Variants in DLGAP1 observed in about 807,000 individuals in gnomAD.
DLGAP1 encodes DLG associated protein 1, also known as disks large-associated protein 1.
Under a neutral mutation model 90.8 loss-of-function variants are expected in DLGAP1, and 11 were observed. The observed-to-expected ratio is 0.12, with a 90% CI of 0.08 to 0.20. The LOEUF (loss-of-function observed/expected upper bound fraction) is 0.20, where lower values mean the gene tolerates loss of function less well. Among genes scored for constraint, DLGAP1 ranks in the 10% least tolerant of loss-of-function variants. The pLI, the probability that DLGAP1 is intolerant of heterozygous loss-of-function variation, is 1.00. For synonymous variants in DLGAP1, 558 were observed against 540.7 expected, an observed-to-expected ratio of 1.03 and a Z score of -0.44; for missense variants, 1,050 against 1,333.8, an observed-to-expected ratio of 0.79 and a Z score of 3.31.
intron 3 of DLGAP1, among the ~76,000 whole-genome samples, chr18:3,947,847 T>TC (rs34737121): frequency 0.21 from 32,517 of 152,144 alleles, 3,668 homozygotes; most frequent in Middle Eastern, 0.28. Flanking sequence ...ATCCAGGAGA[T>TC]CAGGGCCTCA....
intron 4 of DLGAP1, among the ~76,000 whole-genome samples, chr18:3,846,631 T>C (rs1469430439): frequency 6.6e-6 from 1 of 152,338 alleles, no homozygotes; most frequent in Admixed American, 6.5e-5. Context: ...AAATGAAATA[T>C]TGATACCTGC....
In DLGAP1 at chr18:4,154,957, G is replaced by C. The variant is rs78868123; in HGVS notation, c.-266-3670C>G. ...GAAAGTAAATAATAAATGTAAAACA[G>C]TAAATTATAGAGCAGTTCAGAAGGT... On this transcript the variant is annotated intron_variant, in intron 1 of 12. Transcript: ENST00000315677. Among the ~76,000 whole-genome samples the C allele has an allele frequency of 2.9e-4, 44 of 152,294 alleles. 1 individual carries two copies. In the East Asian group the frequency reaches 7.9e-3, roughly 27 times the overall value.
intron 7 of DLGAP1, among the ~76,000 whole-genome samples, chr18:3,693,232 C>T (rs2060960327): frequency 6.6e-6 from 1 of 152,032 alleles, no homozygotes; most frequent in Non-Finnish European, 1.5e-5. Context: ...TCAGGTGTAC[C>T]CTACCATGTC....
intron 1 of DLGAP1, among the ~76,000 whole-genome samples, chr18:4,413,443 G>A (rs2082825910): frequency 6.6e-6 from 1 of 152,070 alleles, no homozygotes; most frequent in African/African-American, 2.4e-5. Flanking sequence ...GTCCTGTGTG[G>A]GCCTGGATAA....
chr18:3,864,353 C>T (rs1383360303), intron 4 of DLGAP1, among the ~76,000 whole-genome samples: 1 of 152,170 alleles, frequency 6.6e-6, no homozygotes, highest in Non-Finnish European at 1.5e-5. Context: ...TATTTCACTT[C>T]TCAGTTCCTT....
At chr18:3,682,116 CAAA>C (rs56914443) in intron 7 of DLGAP1, among the ~76,000 whole-genome samples, 56 of 111,954 alleles carry the variant, frequency 5.0e-4, no homozygotes, top group African/African-American at 1.8e-3. Context: ...GACCCTGTCT[CAAA>C]AAAAAAAAAA....
chr18:4,069,401 T>C (rs2075414460), intron 2 of DLGAP1, among the ~76,000 whole-genome samples: 1 of 152,162 alleles, frequency 6.6e-6, no homozygotes, highest in Non-Finnish European at 1.5e-5. Context: ...GGTTTGGATG[T>C]GTCGTCACAA....
intron 7 of DLGAP1, among the ~76,000 whole-genome samples, chr18:3,654,180 C>T (rs1327038887): frequency 6.6e-6 from 1 of 152,146 alleles, no homozygotes; most frequent in Admixed American, 6.5e-5. Flanking sequence ...CTTCTGGTAT[C>T]CGCAGCCACT....
intron 1 of DLGAP1, among the ~76,000 whole-genome samples, chr18:4,355,892 T>G (rs1051461071): frequency 6.7e-6 from 1 of 150,026 alleles, no homozygotes; most frequent in Non-Finnish European, 1.5e-5. Flanking sequence ...AATAGAAAAC[T>G]TCTCAAAATT....
At chr18:3,760,270 G>T (rs1388470164) in intron 5 of DLGAP1, among the ~76,000 whole-genome samples, 2 of 152,136 alleles carry the variant, frequency 1.3e-5, no homozygotes, top group Non-Finnish European at 2.9e-5. Context: ...TCAGGGAACT[G>T]CGGAAGGAAG....
At chr18:3,833,423 G>C (rs1384596762) in intron 4 of DLGAP1, among the ~76,000 whole-genome samples, 1 of 151,948 alleles carries the variant, frequency 6.6e-6, no homozygotes, top group African/African-American at 2.4e-5. Context: ...TGGTAGAGAT[G>C]GGGTTTTGCC....
chr18:4,421,500 T>C (rs2083029590), intron 1 of DLGAP1, among the ~76,000 whole-genome samples: 1 of 152,278 alleles, frequency 6.6e-6, no homozygotes, highest in East Asian at 1.9e-4. Flanking sequence ...GACATGAACA[T>C]GTCTTTTAGG....
intron 7 of DLGAP1, chr18:3,607,870 C>T (rs2057397061): frequency 6.6e-6 from 1 of 152,150 alleles, no homozygotes; most frequent in Admixed American, 6.6e-5. Flanking sequence ...GACTACCAGA[C>T]AAAGAGATGA....
intron 2 of DLGAP1, among the ~76,000 whole-genome samples, chr18:4,007,473 G>T (rs1250703397): frequency 6.6e-6 from 1 of 152,132 alleles, no homozygotes; most frequent in Non-Finnish European, 1.5e-5. Context: ...TGGCTAACAT[G>T]GCAAAACCCC....
At chr18:3,585,969 C>T (rs1029513626) in intron 7 of DLGAP1, among the ~76,000 whole-genome samples, 3 of 152,164 alleles carry the variant, frequency 2.0e-5, no homozygotes, top group South Asian at 2.1e-4. Context: ...GCCTCCAGTG[C>T]GGCTCCTACA....
At chr18:3,714,639 G>A (rs371547362) in intron 7 of DLGAP1, among the ~76,000 whole-genome samples, 2 of 93,050 alleles carry the variant, frequency 2.1e-5, no homozygotes, top group Non-Finnish European at 4.2e-5. Flanking sequence ...TGATTACGTG[G>A]TTTTTTTTTT....
rs537059188 is a variant in DLGAP1 at position 4,229,584 on chromosome 18, C to T, written c.-266-78297G>A. Among the ~76,000 whole-genome samples the T allele has an allele frequency of 5.9e-5, 9 of 152,154 alleles. No homozygotes were observed. In the South Asian group the frequency reaches 1.9e-3, roughly 32 times the overall value. On this transcript the variant is annotated intron_variant, in intron 1 of 12. Coordinates refer to ENST00000315677, the MANE Select transcript of DLGAP1 (RefSeq NM_004746.4). Reference sequence around the variant, plus strand: ...AGGAACATATTGGAGAAATGACAGTCTCTTCAATAAATGGTGCTAGGAGAA... The same window carrying T: ...AGGAACATATTGGAGAAATGACAGTTTCTTCAATAAATGGTGCTAGGAGAA...
At chr18:3,655,772 T>C in intron 7 of DLGAP1, 1 of 309,236 alleles carries the variant, frequency 3.2e-6, no homozygotes, top group Non-Finnish European at 6.0e-6. Flanking sequence ...GACAAGACTA[T>C]GTCCAGCCTC....
intron 4 of DLGAP1, among the ~76,000 whole-genome samples, chr18:3,855,018 G>A (rs909333165): frequency 6.6e-6 from 1 of 152,188 alleles, no homozygotes; most frequent in South Asian, 2.1e-4. Flanking sequence ...ATTCACAATA[G>A]CAAAGTCATG....
Sources: allele counts gnomAD v4.1 joint callset (sites outside exome capture counted in the v4.1 genomes callset), GRCh38; gene constraint gnomAD v4.1.1; transcripts MANE v1.5; gene names NCBI Gene and HGNC (gene_info 2026-07-23, HGNC 2026-07-21).